ZMYND12: variants seen among roughly 807,000 people sequenced by gnomAD.
The protein encoded by ZMYND12 is zinc finger MYND-type containing 12, also known as zinc finger MYND domain-containing protein 12.
A neutral mutation model predicts 41.7 loss-of-function variants in ZMYND12; 32 were observed. The observed-to-expected ratio is 0.77, with a 90% CI of 0.58 to 1.03. The LOEUF (loss-of-function observed/expected upper bound fraction) is 1.03. Among genes scored for constraint, ZMYND12 ranks in the 50% least tolerant of loss-of-function variants. ZMYND12 has a pLI of 0.00. For missense variants in ZMYND12, 424 were observed against 438.5 expected, an observed-to-expected ratio of 0.97 and a Z score of 0.30; for synonymous variants, 148 against 164.8, an observed-to-expected ratio of 0.90 and a Z score of 0.78.
At position 42,436,505 on chromosome 1, in the gene ZMYND12, A is replaced by G. The variant is rs560226942; in HGVS notation, c.633T>C (p.Ile211=). The change falls in exon 5 of 8, where the codon ATT becomes ATC. Residue 211 remains isoleucine, a synonymous_variant. Transcript: ENST00000372565. Reference sequence around the variant, plus strand: ...GGTGGAAGTAGCCTCCTGAAGTCCTAATGTCCTCTGTTCCAAATGCACAAC... The same window carrying G: ...GGTGGAAGTAGCCTCCTGAAGTCCTGATGTCCTCTGTTCCAAATGCACAAC... The part of the protein sequence containing the change: ...FASCAFGTED[I]RTSGGYFHLA... 1 of 1,613,658 alleles carries G rather than the reference A, an allele frequency of 6.2e-7. No individual in the cohort carries two copies.
intron 1 of ZMYND12, among the ~76,000 whole-genome samples, chr1:42,451,788 C>T (rs1643085790): frequency 6.6e-6 from 1 of 152,176 alleles, no homozygotes; most frequent in Admixed American, 6.5e-5. Flanking sequence ...CTGAGTTCCA[C>T]AGGGAATTTA....
At chr1:42,436,318 C>A in intron 5 of ZMYND12, 103 bp downstream of exon 5, 1 of 1,519,542 alleles carries the variant, frequency 6.6e-7, no homozygotes, top group South Asian at 1.2e-5. Context: ...CTCTCTGTGC[C>A]TCTCTTTCTC....
In ZMYND12 at chr1:42,430,603, A is replaced by T. The variant is rs1238029311; in HGVS notation, c.*133T>A. Reference sequence around the variant, plus strand: ...GCTGTGTAAGAAAAAAATAACAGCTATGTGTGCAATCCCAGGGGAAGAGGG... The same window carrying T: ...GCTGTGTAAGAAAAAAATAACAGCTTTGTGTGCAATCCCAGGGGAAGAGGG... On this transcript the variant is annotated 3_prime_UTR_variant, in exon 8 of 8. Coordinates refer to ENST00000372565, the MANE Select transcript of ZMYND12 (RefSeq NM_032257.5). The T allele has an allele frequency of 9.5e-6, 11 of 1,163,514 alleles. No homozygotes were observed. The highest frequency in any genetic ancestry group is 1.2e-5 in the Non-Finnish European group (10 of 828,166). 72.1% of individuals were successfully genotyped at this position (1,163,514 alleles called of 1,614,324 possible).
intron 7 of ZMYND12, among the ~76,000 whole-genome samples, chr1:42,432,676 T>G (rs1163565693): frequency 6.6e-6 from 1 of 152,194 alleles, no homozygotes; most frequent in Non-Finnish European, 1.5e-5. Flanking sequence ...AGCTACCTCA[T>G]TAATGTTGGT....
intron 4 of ZMYND12, among the ~76,000 whole-genome samples, chr1:42,439,271 C>CTTTT (rs10657885): frequency 2.8e-5 from 4 of 144,444 alleles, no homozygotes; most frequent in African/African-American, 2.6e-5. Flanking sequence ...CTCTCTCTCT[C>CTTTT]TTTTTTTTTT....
intron 4 of ZMYND12, 142 bp downstream of exon 4, chr1:42,439,714 A>C (rs1642948356): frequency 5.6e-6 from 5 of 886,426 alleles, no homozygotes; most frequent in Non-Finnish European, 6.7e-6. Context: ...GTTATGGCTA[A>C]CATCCCACCA....
At chr1:42,434,243 T>C (rs570847497) in intron 6 of ZMYND12, among the ~76,000 whole-genome samples, 37 of 152,334 alleles carry the variant, frequency 2.4e-4, no homozygotes, top group African/African-American at 8.4e-4. Flanking sequence ...TCTGAGGGCA[T>C]GATGCTGTAC....
intron 7 of ZMYND12, among the ~76,000 whole-genome samples, chr1:42,432,613 T>C (rs964100926): frequency 2.6e-5 from 4 of 152,186 alleles, no homozygotes; most frequent in African/African-American, 7.2e-5. Flanking sequence ...GGGCAAAGAA[T>C]TGACCCTCTC....
intron 1 of ZMYND12, among the ~76,000 whole-genome samples, chr1:42,453,689 T>C (rs1312294718): frequency 6.6e-6 from 1 of 152,106 alleles, no homozygotes; most frequent in Non-Finnish European, 1.5e-5. Context: ...AGCAAAAGGA[T>C]TGAATCTTTC....
At position 42,435,609 on chromosome 1, in the gene ZMYND12, G is replaced by A. The variant is rs531437115; in HGVS notation, c.718-224C>T. ...AGGGCCTGTGGCAGCTCATCTTGGG[G>A]TAGCCCTAGTGGGGTCTAATAACAG... On this transcript the variant is annotated intron_variant, in intron 5 of 7. Coordinates refer to ENST00000372565, the MANE Select transcript of ZMYND12 (RefSeq NM_032257.5). 1.7e-4 allele frequency: 77 copies of A among 465,390 alleles called. No individual in the cohort carries two copies. In the Middle Eastern group the frequency reaches 1.8e-3, roughly 11 times the overall value. 28.8% of individuals were successfully genotyped at this position (465,390 alleles called of 1,614,324 possible).
intron 7 of ZMYND12, among the ~76,000 whole-genome samples, chr1:42,432,220 T>G (rs528777394): frequency 6.6e-6 from 1 of 152,028 alleles, no homozygotes; most frequent in Non-Finnish European, 1.5e-5. Context: ...CTAGCCCGGC[T>G]GATCTTTTTA....
chr1:42,455,962 C>A lies in ZMYND12; in HGVS notation c.36G>T (p.Gly12=). ...NVIYPLAVPK[G]RRLCCEVCEA... ...CGCACACCTCACAGCAGAGTCTGCGCCCCTTGGGGACTGCCAGTGGGTAGA... is the reference window on the plus strand; with the variant it reads ...CGCACACCTCACAGCAGAGTCTGCGACCCTTGGGGACTGCCAGTGGGTAGA... The change falls in exon 1 of 8, where the codon GGG becomes GGT. Residue 12 remains glycine (G), a synonymous_variant. Transcript: ENST00000372565. 6.2e-7 allele frequency: 1 copy of A among 1,613,624 alleles called. No individual in the cohort carries two copies.
intron 5 of ZMYND12, 37 bp downstream of exon 5, chr1:42,436,384 A>G: frequency 6.2e-7 from 1 of 1,610,772 alleles, no homozygotes; most frequent in East Asian, 2.2e-5. Context: ...CACCAAGCCT[A>G]AGAGTGAAGG....
chr1:42,433,442 G>A (rs1192753247), intron 6 of ZMYND12, among the ~76,000 whole-genome samples, 154 bp from the exon 7 acceptor site: 1 of 152,154 alleles, frequency 6.6e-6, no homozygotes, highest in Non-Finnish European at 1.5e-5. Context: ...TTTACCTAGA[G>A]GACTCCCTCC....
At chr1:42,442,126 G>A (rs1392846608) in intron 3 of ZMYND12, among the ~76,000 whole-genome samples, 1 of 152,072 alleles carries the variant, frequency 6.6e-6, no homozygotes, top group Non-Finnish European at 1.5e-5. Context: ...GGTCATGGAG[G>A]GCTTAGTGAG....
At chr1:42,445,856 C>A (rs1643019061) in intron 3 of ZMYND12, among the ~76,000 whole-genome samples, 1 of 152,106 alleles carries the variant, frequency 6.6e-6, no homozygotes, top group South Asian at 2.1e-4. Context: ...AGTTAGTAGG[C>A]AGTGGTCTAG....
intron 3 of ZMYND12, among the ~76,000 whole-genome samples, chr1:42,446,822 T>C (rs1643029100): frequency 6.6e-6 from 1 of 152,146 alleles, no homozygotes; most frequent in African/African-American, 2.4e-5. Context: ...GCTTCTGATT[T>C]TCACTTTCCA....
intron 6 of ZMYND12, among the ~76,000 whole-genome samples, chr1:42,434,902 A>T (rs1456853066): frequency 6.6e-6 from 1 of 152,116 alleles, no homozygotes; most frequent in Non-Finnish European, 1.5e-5. Flanking sequence ...CCCCCAGTCC[A>T]TGGAAAAATT....
rs779059683 is a variant in ZMYND12, at chr1:42,435,340, G to A, written c.763C>T (p.Leu255Phe). 2 of 1,613,960 alleles carry A rather than the reference G, an allele frequency of 1.2e-6. No homozygotes were observed. Among genetic ancestry groups the A allele is most frequent in the South Asian group, 1.1e-5 (1 of 91,080 alleles). The change falls in exon 6 of 8, where the codon CTC (leucine) becomes TTC (phenylalanine). Residue 255 changes from leucine to phenylalanine, a missense_variant. Physicochemically the swap from Leu to Phe is conservative, Grantham distance 22. Coordinates refer to ENST00000372565, the MANE Select transcript of ZMYND12 (RefSeq NM_032257.5). The stretch of plus-strand genomic sequence containing the variant: ...ATTTGTTGGATGTGAGCCTGTGAGA[G>A]GACTTGATAGTGATTGTTCAAATAT... ...HAYLNNHYQVLSQAHIQQMDL... is the reference protein window; with the variant it reads ...HAYLNNHYQVFSQAHIQQMDL...
Sources: allele counts gnomAD v4.1 joint callset (sites outside exome capture counted in the v4.1 genomes callset), GRCh38; gene constraint gnomAD v4.1.1; transcripts MANE v1.5; gene names NCBI Gene and HGNC (gene_info 2026-07-23, HGNC 2026-07-21).